The following USH2A variants were observed in gnomAD, a reference collection of about 807,000 sequenced individuals.
The protein encoded by USH2A is Usher syndrome 2A (autosomal recessive, mild).
Under a neutral mutation model 538.9 loss-of-function variants are expected in USH2A, and 443 were observed. That is an observed-to-expected ratio of 0.82 (90% CI 0.76 to 0.89). The LOEUF (loss-of-function observed/expected upper bound fraction) is 0.89, where lower values mean the gene tolerates loss of function less well. Ranked by LOEUF, USH2A falls within the 40% of genes least tolerant of loss-of-function variation. USH2A has a pLI of 0.00. For missense variants in USH2A, 6,633 were observed against 6,324.8 expected (o/e 1.05, Z -1.65); for synonymous variants, 2,413 against 2,273.5 (o/e 1.06, Z -1.75).
chr1:215,674,532 A>G lies in USH2A; in HGVS notation c.13379T>C (p.Ile4460Thr). The change falls in exon 63 of 72, where the codon ATA becomes ACA. Residue 4460 changes from isoleucine (I) to threonine (T), a missense_variant. Coordinates refer to ENST00000307340, the MANE Select transcript of USH2A (RefSeq NM_206933.4). ...PTLQVTGSES[I>T]EITWKPPRNP... ...TCTTGGAGGTTTCCAGGTGATTTCT[A>G]TTGATTCTGAGCCTGTGACTTGCAA... The G allele has an allele frequency of 6.2e-7, 1 of 1,614,046 alleles. No individual in the cohort carries two copies. Among genetic ancestry groups the G allele is most frequent in the Non-Finnish European group, 8.5e-7 (1 of 1,179,990 alleles).
intron 62 of USH2A, 48 bp downstream of exon 62, chr1:215,680,101 T>C (rs1658175191): frequency 1.3e-6 from 2 of 1,588,078 alleles, no homozygotes; most frequent in African/African-American, 1.3e-5. Flanking sequence ...GCTCATCTAT[T>C]TATCTGGAGA....
chr1:216,143,210 C>T (rs963304714), intron 21 of USH2A, among the ~76,000 whole-genome samples: 1 of 152,134 alleles, frequency 6.6e-6, no homozygotes, highest in South Asian at 2.1e-4. Context: ...CTAATCTTCA[C>T]CTTATTTATT....
chr1:216,125,070 T>G (rs1198439945), intron 21 of USH2A, among the ~76,000 whole-genome samples: 3 of 152,174 alleles, frequency 2.0e-5, no homozygotes, highest in African/African-American at 7.2e-5. Flanking sequence ...TTCAATATGC[T>G]TATATAGAAC....
In USH2A at chr1:215,728,379, G is replaced by T. The variant is rs1375638513; in HGVS notation, c.11717C>A (p.Pro3906His). Residue 3906 changes from proline (P) to histidine (H), a missense_variant, in exon 61 of 72, where the codon CCT becomes CAT. Transcript: ENST00000307340. ...IIINYFIYRR[P>H]AGIEEESVLF... The stretch of plus-strand genomic sequence containing the variant: ...AACAGACTCCTCTTCAATGCCAGCA[G>T]GGCGTCTGAAAGGAAACCAAGCAGG... The T allele has an allele frequency of 6.2e-7, 1 of 1,613,974 alleles. No individual in the cohort carries two copies. The highest frequency in any genetic ancestry group is 8.5e-7 in the Non-Finnish European group (1 of 1,180,014).
chr1:216,379,827 A>T (rs1367032549), intron 3 of USH2A, among the ~76,000 whole-genome samples: 1 of 152,216 alleles, frequency 6.6e-6, no homozygotes, highest in Non-Finnish European at 1.5e-5. Context: ...CCCTCCCCAG[A>T]GGGCTACACC....
Position 215,782,912 on chromosome 1 carries a change from T to A in USH2A, c.10411A>T (p.Thr3471Ser), listed in dbSNP as rs1661687510. Residue 3471 changes from threonine (T) to serine (S), a missense_variant, in exon 53 of 72, where the codon ACA becomes TCA. Thr to Ser is a moderately conservative substitution (Grantham distance 58). Coordinates refer to ENST00000307340, the MANE Select transcript of USH2A (RefSeq NM_206933.4). ...CAGGCAGAAATCCTGTACTCATATG[T>A]CATGTAGGGCTTGAGGTTCACATCT... is the stretch of plus-strand genomic sequence containing the variant. ...YTDVNLKPYM[T>S]YEYRISAWNS... The A allele has an allele frequency of 6.2e-7, 1 of 1,613,640 alleles. No homozygotes were observed. Among genetic ancestry groups the A allele is most frequent in the Non-Finnish European group, 8.5e-7 (1 of 1,179,796 alleles).
chr1:216,088,845 G>T (rs2032212336), intron 23 of USH2A, among the ~76,000 whole-genome samples, 168 bp downstream of exon 23: 1 of 152,086 alleles, frequency 6.6e-6, no homozygotes, highest in Non-Finnish European at 1.5e-5. Flanking sequence ...AAAACTGGTT[G>T]CCAGACTTCA....
chr1:215,836,507 TATATATATATAATATATA>T lies in USH2A; in HGVS notation c.9371+1466_9371+1483del, dbSNP rs1558120035. 3.4e-3 allele frequency among the ~76,000 whole-genome samples: 55 copies of T among 15,992 alleles called. 7 individuals are homozygous for T. In the East Asian group the frequency reaches 0.044, roughly 13 times the overall value. 10.5% of individuals were successfully genotyped at this position (15,992 alleles called of 152,430 possible). On this transcript the variant is annotated intron_variant, in intron 47 of 71. Coordinates refer to ENST00000307340, the MANE Select transcript of USH2A (RefSeq NM_206933.4). ...TATATATTATATATATAATATATAT[TATATATATATAATATATA>T]TTATATATATATATATAATATATAT...
intron 61 of USH2A, among the ~76,000 whole-genome samples, chr1:215,681,639 T>C (rs1237735441): frequency 6.6e-6 from 1 of 152,144 alleles, no homozygotes; most frequent in Non-Finnish European, 1.5e-5. Context: ...TAAAACAAGA[T>C]GACAAAATCA....
At chr1:216,172,525 C>G (rs2034292482) in intron 21 of USH2A, among the ~76,000 whole-genome samples, 1 of 151,998 alleles carries the variant, frequency 6.6e-6, no homozygotes, top group Non-Finnish European at 1.5e-5. Context: ...AGGATTTGCT[C>G]ATTAAATTTG....
intron 3 of USH2A, among the ~76,000 whole-genome samples, chr1:216,386,453 T>C (rs4085411): frequency 0.037 from 5,565 of 148,662 alleles, 134 homozygotes; most frequent in Middle Eastern, 0.085. Context: ...GCCACTGCAC[T>C]CCAGCCTGGG....
intron 11 of USH2A, among the ~76,000 whole-genome samples, chr1:216,254,934 A>G (rs2036231837): frequency 6.6e-6 from 1 of 152,122 alleles, no homozygotes; most frequent in Non-Finnish European, 1.5e-5. Flanking sequence ...CAGAACTTAA[A>G]CCACATTTCT....
intron 21 of USH2A, among the ~76,000 whole-genome samples, chr1:216,165,295 A>C (rs2034145042): frequency 6.6e-6 from 1 of 152,176 alleles, no homozygotes. Context: ...AAATTTAATA[A>C]GCCTAAGGAG....
chr1:216,250,874 G>A (rs1333078482), intron 12 of USH2A, 29 bp downstream of exon 12: 3 of 1,609,670 alleles, frequency 1.9e-6, no homozygotes, highest in Non-Finnish European at 2.5e-6. Flanking sequence ...TAATAGAGAT[G>A]TGACTGTAAA....
intron 32 of USH2A, among the ~76,000 whole-genome samples, chr1:216,015,908 G>A (rs55839123): frequency 0.13 from 20,208 of 152,048 alleles, 1,762 homozygotes; most frequent in Non-Finnish European, 0.2. Flanking sequence ...GTTTATTGCC[G>A]CACTATTCAC....
chr1:215,886,389 A>G (rs1180372330), intron 41 of USH2A, among the ~76,000 whole-genome samples: 1 of 152,224 alleles, frequency 6.6e-6, no homozygotes, highest in Non-Finnish European at 1.5e-5. Flanking sequence ...CGTTCTGAAC[A>G]TGTGAGCCAA....
At chr1:216,115,490 G>GA (rs1398863512) in intron 21 of USH2A, among the ~76,000 whole-genome samples, 2 of 152,002 alleles carry the variant, frequency 1.3e-5, no homozygotes, top group East Asian at 3.8e-4. Flanking sequence ...GATTTCTCAA[G>GA]AAAAAATATA....
intron 9 of USH2A, among the ~76,000 whole-genome samples, chr1:216,314,478 C>A (rs767816611): frequency 4.6e-5 from 7 of 151,820 alleles, no homozygotes; most frequent in African/African-American, 9.7e-5. Context: ...AGGGTAAAAT[C>A]TGCGAACAAA....
At chr1:215,775,722 C>A (rs1447205101) in intron 55 of USH2A, among the ~76,000 whole-genome samples, 1 of 152,112 alleles carries the variant, frequency 6.6e-6, no homozygotes, top group East Asian at 1.9e-4. Context: ...TTCTCTTTTT[C>A]CAAGGTGAAG....
Sources: gnomAD v4.1 joint callset for allele counts (sites outside exome capture counted in the v4.1 genomes callset) on GRCh38, gnomAD v4.1.1 for gene constraint, MANE v1.5 for transcripts, NCBI Gene and HGNC (gene_info 2026-07-23, HGNC 2026-07-21) for gene names.